Variants in NAV2 observed in about 807,000 individuals in gnomAD.
NAV2 encodes neuron navigator 2, also known as helicase, APC down-regulated 1.
NAV2 carries 54 observed loss-of-function variants against 223.2 expected under a neutral mutation model. The observed-to-expected ratio is 0.24, with a 90% CI of 0.19 to 0.30. The LOEUF (loss-of-function observed/expected upper bound fraction) is 0.30. Among genes scored for constraint, NAV2 ranks in the 10% least tolerant of loss-of-function variants. NAV2 has a pLI of 1.00. For synonymous variants in NAV2, 1,279 were observed against 1,239.3 expected, an observed-to-expected ratio of 1.03 and a Z score of -0.67; for missense variants, 2,806 against 3,147.5, an observed-to-expected ratio of 0.89 and a Z score of 2.60.
intron 1 of NAV2, among the ~76,000 whole-genome samples, chr11:19,464,910 C>A (rs1316034993): frequency 1.3e-5 from 2 of 152,146 alleles, no homozygotes; most frequent in Non-Finnish European, 2.9e-5. Flanking sequence ...TGCACAGAAA[C>A]CCTGTTTAGT....
chr11:19,354,248 G>A (rs1853487546), intron 1 of NAV2, among the ~76,000 whole-genome samples: 1 of 152,204 alleles, frequency 6.6e-6, no homozygotes, highest in African/African-American at 2.4e-5. Context: ...TTTTAGATCA[G>A]TGCTCTCCAA....
At position 19,681,420 on chromosome 11, in the gene NAV2, G is replaced by A. The variant is rs377217176; in HGVS notation, c.76-151064G>A. Among the ~76,000 whole-genome samples, 133 of 152,272 alleles carry A rather than the reference G, an allele frequency of 8.7e-4. 1 individual carries two copies. In the South Asian group the frequency reaches 0.017, roughly 20 times the overall value. On this transcript the variant is annotated intron_variant, in intron 1 of 37. Transcript: ENST00000360655. The stretch of plus-strand genomic sequence containing the variant: ...CCAAAGTCAGTTAGTGATAGAGTTA[G>A]CGTTTGAACCCAGGTCTCTCTGCAA...
rs544635871 is a variant in NAV2 at position 19,379,567 on chromosome 11, A to G, written c.75+28540A>G. The stretch of plus-strand genomic sequence containing the variant: ...GGAAAGGGCAGAGAAATGGGAGGAG[A>G]GAAAGTGACAGCCTCCTTAGATTAC... On this transcript the variant is annotated intron_variant, in intron 1 of 37. Transcript: ENST00000360655. Among the ~76,000 whole-genome samples the G allele has an allele frequency of 2.0e-5, 3 of 152,144 alleles. No individual in the cohort carries two copies. The East Asian group carries it at 5.8e-4, about 29-fold the overall frequency.
At chr11:20,018,690 A>G (rs1226651007) in intron 11 of NAV2, among the ~76,000 whole-genome samples, 2 of 152,210 alleles carry the variant, frequency 1.3e-5, no homozygotes, top group Non-Finnish European at 2.9e-5. Flanking sequence ...GCTCAGAACA[A>G]AGGCAAACAG....
At chr11:19,647,601 C>A (rs2047853300) in intron 1 of NAV2, among the ~76,000 whole-genome samples, 1 of 152,104 alleles carries the variant, frequency 6.6e-6, no homozygotes, top group Non-Finnish European at 1.5e-5. Context: ...GGAGTAGCAG[C>A]ACTTGCATCT....
intron 1 of NAV2, among the ~76,000 whole-genome samples, chr11:19,693,007 A>G (rs2049225302): frequency 6.6e-6 from 1 of 152,264 alleles, no homozygotes; most frequent in Admixed American, 6.5e-5. Flanking sequence ...TCTACAGGGA[A>G]CCTGACCAAG....
At chr11:19,353,132 A>G (rs1853420728) in intron 1 of NAV2, among the ~76,000 whole-genome samples, 1 of 152,192 alleles carries the variant, frequency 6.6e-6, no homozygotes. Flanking sequence ...AGAGCTGGGA[A>G]GTCTCCACCA....
chr11:20,062,159 A>ATC, intron 19 of NAV2, 148 bp from the exon 20 acceptor site: 1 of 532,670 alleles, frequency 1.9e-6, no homozygotes, highest in Admixed American at 3.7e-5. Flanking sequence ...TCACTGACCT[A>ATC]TCGCCAAACC....
At chr11:19,383,615 C>G (rs1237330470) in intron 1 of NAV2, among the ~76,000 whole-genome samples, 4 of 152,210 alleles carry the variant, frequency 2.6e-5, no homozygotes, top group Non-Finnish European at 5.9e-5. Flanking sequence ...TCACACACAA[C>G]TGAGTTCTGG....
intron 1 of NAV2, among the ~76,000 whole-genome samples, chr11:19,779,462 C>CTG (rs2056568409): frequency 6.6e-6 from 1 of 152,358 alleles, no homozygotes; most frequent in East Asian, 1.9e-4. Flanking sequence ...TGTTCATTCA[C>CTG]TTATTGATTG....
intron 25 of NAV2, among the ~76,000 whole-genome samples, chr11:20,082,224 A>G (rs894322313): frequency 2.0e-5 from 3 of 152,234 alleles, no homozygotes; most frequent in African/African-American, 7.2e-5. Context: ...TTGCTCAAAA[A>G]GAAGACATCC....
chr11:19,659,137 A>G (rs1390167241), intron 1 of NAV2, among the ~76,000 whole-genome samples: 1 of 152,250 alleles, frequency 6.6e-6, no homozygotes, highest in Non-Finnish European at 1.5e-5. Flanking sequence ...AAGTTGTGAT[A>G]TTATGAAGGA....
Position 19,519,411 on chromosome 11 carries a change from G to A in NAV2, c.75+168384G>A, listed in dbSNP as rs2043571447. On this transcript the variant is annotated intron_variant, in intron 1 of 37. Coordinates refer to the NAV2 transcript ENST00000360655. ...ATCTTCACGTTTCCTTTTAACATGT[G>A]TGCTTTCATTATCACCATTTTATGG... Among the ~76,000 whole-genome samples the A allele has an allele frequency of 2.6e-5, 4 of 152,314 alleles. No individual in the cohort carries two copies. In the South Asian group the frequency reaches 6.2e-4, roughly 24 times the overall value.
rs147673308 is a variant in NAV2, at chr11:19,524,628, G to T, written c.75+173601G>T. On this transcript the variant is annotated intron_variant, in intron 1 of 37. Coordinates refer to the NAV2 transcript ENST00000360655. ...AGCTGACGTCAGTACTGGCTTTGGTGGGGGGCTGGGCCTAAAAGGGCCAGG... is the reference window on the plus strand; with the variant it reads ...AGCTGACGTCAGTACTGGCTTTGGTTGGGGGCTGGGCCTAAAAGGGCCAGG... Among the ~76,000 whole-genome samples, 1,000 of 151,582 alleles carry T rather than the reference G, an allele frequency of 6.6e-3. 7 individuals carry two copies. The highest frequency in any genetic ancestry group is 0.023 in the African/African-American group (933 of 40,850).
intron 3 of NAV2, among the ~76,000 whole-genome samples, chr11:19,843,271 G>A (rs2060604915): frequency 6.6e-6 from 1 of 152,184 alleles, no homozygotes; most frequent in Admixed American, 6.5e-5. Context: ...ATGTGTTTGT[G>A]TATGGAGCTG....
chr11:19,890,914 G>A (rs1490553739), intron 5 of NAV2, among the ~76,000 whole-genome samples: 1 of 152,160 alleles, frequency 6.6e-6, no homozygotes, highest in Non-Finnish European at 1.5e-5. Flanking sequence ...ATTAACCAAG[G>A]TACAAATCCT....
At chr11:20,005,556 T>C (rs1433127990) in intron 11 of NAV2, among the ~76,000 whole-genome samples, 1 of 110,444 alleles carries the variant, frequency 9.1e-6, no homozygotes, top group African/African-American at 2.7e-5. Context: ...CAGTCATTCT[T>C]TAAAAAAAAG....
rs553332023 is a variant in NAV2 at position 20,045,259 on chromosome 11, G to A, written c.3491G>A (p.Gly1164Asp). The change falls in exon 14 of 38, where the codon GGT becomes GAT. Residue 1164 changes from glycine to aspartate, a missense_variant. This residue lies in a region of NAV2 where 742 missense variants were observed against 777.9 expected (regional missense o/e 0.95). Transcript: ENST00000349880. ...TCTGCACTCGTCAGTCGGTCTGCTG[G>A]TCGGAAGTCAAGTATGGATGGGGCT... ...KSSALVSRSAGRKSSMDGAQN... is the reference protein window; with the variant it reads ...KSSALVSRSADRKSSMDGAQN... 6 of 1,614,194 alleles carry A rather than the reference G, an allele frequency of 3.7e-6. No homozygotes were observed. In the East Asian group the frequency reaches 1.1e-4, roughly 30 times the overall value.
intron 1 of NAV2, among the ~76,000 whole-genome samples, chr11:19,715,031 AC>A (rs1215208278): frequency 3.3e-5 from 5 of 152,238 alleles, no homozygotes; most frequent in African/African-American, 1.2e-4. Context: ...CCTTTTTGGC[AC>A]ATACTTCCCT....
Sources: gnomAD v4.1 joint callset for allele counts (sites outside exome capture counted in the v4.1 genomes callset) on GRCh38, gnomAD v4.1.1 for gene constraint, gnomAD v4.1.1 regional missense constraint, MANE v1.5 for transcripts, NCBI Gene and HGNC (gene_info 2026-07-23, HGNC 2026-07-21) for gene names.